RIMKLB: variants seen among roughly 807,000 people sequenced by gnomAD.
RIMKLB encodes beta-citrylglutamate synthase B.
Under a neutral mutation model 32.0 loss-of-function variants are expected in RIMKLB, and 7 were observed. The observed-to-expected ratio is 0.22, with a 90% confidence interval of 0.12 to 0.41. The LOEUF (loss-of-function observed/expected upper bound fraction) is 0.41. Among genes scored for constraint, RIMKLB ranks in the 10% least tolerant of loss-of-function variants. RIMKLB has a pLI of 1.00. For synonymous variants in RIMKLB, 172 were observed against 185.1 expected (o/e 0.93, Z 0.57); for missense variants, 289 against 498.7 (o/e 0.58, Z 4.00).
chr12:8,683,757 G>A (rs1449536762), intron 1 of RIMKLB, among the ~76,000 whole-genome samples: 1 of 152,010 alleles, frequency 6.6e-6, no homozygotes, highest in African/African-American at 2.4e-5. Flanking sequence ...TTTTTTGTTT[G>A]TTTGTTTGAG....
intron 5 of RIMKLB, among the ~76,000 whole-genome samples, chr12:8,762,887 C>G (rs949838142): frequency 6.6e-6 from 1 of 152,134 alleles, no homozygotes. Flanking sequence ...TAGAAGGTCC[C>G]CTTAAGCGGC....
chr12:8,739,781 C>T (rs1329631641), intron 2 of RIMKLB, among the ~76,000 whole-genome samples: 2 of 151,998 alleles, frequency 1.3e-5, no homozygotes, highest in South Asian at 4.2e-4. Context: ...CTTCTTGTCT[C>T]TTCTTATAAA....
downstream of RIMKLB, chr12:8,777,586 C>T: frequency 6.2e-6 from 8 of 1,287,148 alleles, no homozygotes; most frequent in Non-Finnish European, 8.1e-6. Flanking sequence ...CTGTTCTTTA[C>T]CAGCCTTTTC....
At position 8,752,142 on chromosome 12, in the gene RIMKLB, G is replaced by C; in HGVS notation, c.493+99G>C. On this transcript the variant is annotated intron_variant, in intron 4 of 5. Transcript: ENST00000535829. Reference sequence around the variant, plus strand: ...AATAGTTAGAGGGAAATTGTTAGATGCATGATACCTCAGACTTACAGAAGG... The same window carrying C: ...AATAGTTAGAGGGAAATTGTTAGATCCATGATACCTCAGACTTACAGAAGG... The C allele has an allele frequency of 3.9e-6, 3 of 767,448 alleles. No homozygotes were observed. The South Asian group carries it at 5.2e-5, about 13-fold the overall frequency. The allele number at this position is 767,448 out of a possible 1,614,324, so 47.5% of individuals were successfully genotyped here.
intron 2 of RIMKLB, among the ~76,000 whole-genome samples, chr12:8,728,787 GTTTT>G (rs869026984): frequency 4.2e-5 from 6 of 142,118 alleles, no homozygotes; most frequent in African/African-American, 1.5e-4. Flanking sequence ...GTGTGTGTGT[GTTTT>G]TGTTTGTTTG....
chr12:8,766,064 A>C (rs750846229), intron 5 of RIMKLB, among the ~76,000 whole-genome samples: 10 of 152,028 alleles, frequency 6.6e-5, no homozygotes, highest in Non-Finnish European at 1.3e-4. Flanking sequence ...CCAATTCTCC[A>C]AAGTACATCT....
chr12:8,751,362 A>G (rs1332707160), intron 3 of RIMKLB, among the ~76,000 whole-genome samples: 1 of 152,194 alleles, frequency 6.6e-6, no homozygotes, highest in Admixed American at 6.5e-5. Flanking sequence ...TTTTGTAGCT[A>G]CAGTCTATTT....
intron 2 of RIMKLB, among the ~76,000 whole-genome samples, chr12:8,722,711 A>C (rs1945581381): frequency 6.6e-6 from 1 of 152,246 alleles, no homozygotes; most frequent in Non-Finnish European, 1.5e-5. Context: ...TCCATTGTAT[A>C]GTGCGGCCAC....
chr12:8,713,023 CAG>C (rs1278662471), intron 1 of RIMKLB, among the ~76,000 whole-genome samples: 4 of 152,074 alleles, frequency 2.6e-5, no homozygotes, highest in African/African-American at 7.2e-5. Flanking sequence ...GATACAAACT[CAG>C]AGAAGCAACA....
At chr12:8,689,308 A>G (rs1216586279) in intron 1 of RIMKLB, among the ~76,000 whole-genome samples, 1 of 152,260 alleles carries the variant, frequency 6.6e-6, no homozygotes, top group Non-Finnish European at 1.5e-5. Context: ...CAAGGACAGC[A>G]TAACTTTTAG....
chr12:8,709,511 C>CCAACA (rs1424905504), intron 1 of RIMKLB, among the ~76,000 whole-genome samples: 17 of 152,226 alleles, frequency 1.1e-4, no homozygotes, highest in Admixed American at 8.5e-4. Context: ...AAGTCTTCAC[C>CCAACA]CAACACTTCT....
intron 1 of RIMKLB, chr12:8,713,596 GA>G: frequency 5.0e-6 from 2 of 399,294 alleles, no homozygotes; most frequent in Non-Finnish European, 9.2e-6. Flanking sequence ...TTTCCCCAAG[GA>G]AAAATGGAGA....
At chr12:8,682,846 A>G (rs986451441) in intron 1 of RIMKLB, among the ~76,000 whole-genome samples, 2 of 148,346 alleles carry the variant, frequency 1.3e-5, no homozygotes, top group African/African-American at 4.9e-5. Context: ...CATGTTGGTC[A>G]GGCTGGTGTC....
downstream of RIMKLB, chr12:8,778,975 C>A (rs1025909296): frequency 2.0e-5 from 3 of 152,180 alleles, no homozygotes; most frequent in Non-Finnish European, 2.9e-5. Context: ...CAGTCATTCC[C>A]TTTAAGCATC....
rs1950677770 is a variant in RIMKLB at position 8,775,504 on chromosome 12, C to G, written c.*1720C>G. ...CTACGAATCCTCTGAAGCTTTTACC[C>G]AAGCCCTTTCTTGCCTCTCCAGTGC... On this transcript the variant is annotated 3_prime_UTR_variant, in exon 6 of 6. Transcript: ENST00000535829. 1.0e-6 allele frequency: 1 copy of G among 985,626 alleles called. No homozygotes were observed. The highest frequency in any genetic ancestry group is 1.2e-6 in the Non-Finnish European group (1 of 829,900). 61.1% of individuals were successfully genotyped at this position (985,626 alleles called of 1,614,324 possible).
chr12:8,739,130 C>T (rs1947271436), intron 2 of RIMKLB, among the ~76,000 whole-genome samples: 1 of 152,106 alleles, frequency 6.6e-6, no homozygotes, highest in African/African-American at 2.4e-5. Flanking sequence ...TTACCATAGA[C>T]TGGATAGCTT....
intron 5 of RIMKLB, among the ~76,000 whole-genome samples, chr12:8,754,976 G>A (rs939416387): frequency 4.6e-5 from 7 of 151,950 alleles, no homozygotes; most frequent in African/African-American, 1.5e-4. Flanking sequence ...TTTTTGAAAC[G>A]AGCCTCACTC....
In RIMKLB at chr12:8,749,170, C is replaced by T. The variant is rs761564873; in HGVS notation, c.176-692C>T. On this transcript the variant is annotated intron_variant, in intron 2 of 5. Transcript: ENST00000535829. ...CTCTTCAACCTTTTTCCTGTCTTGA[C>T]ACCCAGTCATATTCAGAGGAAGCCA... 9.2e-4 allele frequency among the ~76,000 whole-genome samples: 140 copies of T among 152,178 alleles called. 1 individual carries two copies. The highest frequency in any genetic ancestry group is 3.2e-3 in the African/African-American group (134 of 41,520).
intron 2 of RIMKLB, among the ~76,000 whole-genome samples, chr12:8,715,664 C>G (rs1164634638): frequency 6.6e-6 from 1 of 152,144 alleles, no homozygotes; most frequent in Non-Finnish European, 1.5e-5. Flanking sequence ...GGATAAGAGT[C>G]TACTTCATTT....
Sources: gnomAD v4.1 joint callset for allele counts (sites outside exome capture counted in the v4.1 genomes callset) on GRCh38, gnomAD v4.1.1 for gene constraint, MANE v1.5 for transcripts, NCBI Gene and HGNC (gene_info 2026-07-23, HGNC 2026-07-21) for gene names.